The following CAMK1D variants were observed in gnomAD, a reference collection of about 807,000 sequenced individuals.
The protein encoded by CAMK1D is calcium/calmodulin-dependent protein kinase type 1D.
A neutral mutation model predicts 47.7 loss-of-function variants in CAMK1D; 9 were observed. That is an observed-to-expected ratio of 0.19 (90% CI 0.11 to 0.33). The LOEUF is 0.33. Ranked by LOEUF, CAMK1D falls within the 10% of genes least tolerant of loss-of-function variation. The pLI, the probability that CAMK1D is intolerant of heterozygous loss-of-function variation, is 1.00. For missense variants in CAMK1D, 291 were observed against 488.7 expected, an observed-to-expected ratio of 0.60 and a Z score of 3.81; for synonymous variants, 184 against 184.9, an observed-to-expected ratio of 0.99 and a Z score of 0.04.
chr10:12,421,327 G>A (rs2131966970), intron 1 of CAMK1D, among the ~76,000 whole-genome samples: 1 of 152,176 alleles, frequency 6.6e-6, no homozygotes, highest in Middle Eastern at 3.4e-3. Context: ...GTCACAGTGT[G>A]TGTGGGCAGG....
intron 1 of CAMK1D, among the ~76,000 whole-genome samples, chr10:12,437,495 C>A (rs1260792259): frequency 2.0e-5 from 3 of 152,092 alleles, no homozygotes; most frequent in Non-Finnish European, 4.4e-5. Flanking sequence ...GCGCCCAGCC[C>A]AGACTTTAGT....
intron 1 of CAMK1D, among the ~76,000 whole-genome samples, chr10:12,523,702 C>T (rs1192275487): frequency 1.3e-5 from 2 of 152,100 alleles, no homozygotes; most frequent in Admixed American, 6.5e-5. Context: ...GCAGTACAGT[C>T]CAGCTTTGGC....
intron 1 of CAMK1D, among the ~76,000 whole-genome samples, chr10:12,402,483 C>T (rs1035060132): frequency 1.3e-5 from 2 of 152,202 alleles, no homozygotes; most frequent in African/African-American, 4.8e-5. Flanking sequence ...CCGCCTGCCT[C>T]GGCCTCCCAA....
At chr10:12,698,260 G>A (rs920245550) in intron 3 of CAMK1D, among the ~76,000 whole-genome samples, 32 of 152,280 alleles carry the variant, frequency 2.1e-4, no homozygotes, top group African/African-American at 7.7e-4. Context: ...CTCATCCTCA[G>A]GAATGTTTAA....
At chr10:12,486,049 G>C (rs887504481) in intron 1 of CAMK1D, among the ~76,000 whole-genome samples, 5 of 152,116 alleles carry the variant, frequency 3.3e-5, no homozygotes, top group Non-Finnish European at 7.4e-5. Flanking sequence ...TACGCTACAG[G>C]TCTTGGGATT....
chr10:12,352,760 G>A (rs1390732311), intron 1 of CAMK1D, among the ~76,000 whole-genome samples: 1 of 136,700 alleles, frequency 7.3e-6, no homozygotes, highest in Non-Finnish European at 1.6e-5. Context: ...TTTTTGAGAC[G>A]GAGTCTCACT....
At chr10:12,545,947 C>A (rs913529706) in intron 1 of CAMK1D, among the ~76,000 whole-genome samples, 1 of 152,074 alleles carries the variant, frequency 6.6e-6, no homozygotes, top group Non-Finnish European at 1.5e-5. Flanking sequence ...AGCTGTTCAG[C>A]GGTGTGGTTG....
intron 2 of CAMK1D, among the ~76,000 whole-genome samples, chr10:12,604,188 T>A (rs1031281214): frequency 6.6e-6 from 1 of 152,190 alleles, no homozygotes; most frequent in Non-Finnish European, 1.5e-5. Context: ...TGTATCTCTG[T>A]AATTCTTAGC....
chr10:12,460,776 A>T (rs1833399597), intron 1 of CAMK1D, among the ~76,000 whole-genome samples: 1 of 151,976 alleles, frequency 6.6e-6, no homozygotes, highest in African/African-American at 2.4e-5. Flanking sequence ...TATGTTGCCC[A>T]GGCTCGTCTT....
intron 3 of CAMK1D, among the ~76,000 whole-genome samples, chr10:12,701,204 C>T (rs535046542): frequency 1.6e-4 from 25 of 152,030 alleles, no homozygotes; most frequent in African/African-American, 5.3e-4. Context: ...CCTCCGCCTC[C>T]GGGGTTCAAG....
chr10:12,755,540 T>C (rs1381674760), intron 3 of CAMK1D, among the ~76,000 whole-genome samples: 1 of 152,194 alleles, frequency 6.6e-6, no homozygotes, highest in Non-Finnish European at 1.5e-5. Context: ...CTGGGTTAAA[T>C]GGTATTTCTA....
chr10:12,671,500 G>A (rs1245520815), intron 3 of CAMK1D, among the ~76,000 whole-genome samples: 1 of 151,692 alleles, frequency 6.6e-6, no homozygotes, highest in African/African-American at 2.4e-5. Context: ...CCATCCTGTG[G>A]GTGTGAAGTG....
chr10:12,773,525 A>G (rs1837136982), intron 5 of CAMK1D, among the ~76,000 whole-genome samples: 1 of 152,204 alleles, frequency 6.6e-6, no homozygotes, highest in South Asian at 2.1e-4. Flanking sequence ...GTTTTTTCAA[A>G]TATTTTTGAT....
chr10:12,468,131 C>T (rs1234114035), intron 1 of CAMK1D, among the ~76,000 whole-genome samples: 1 of 152,200 alleles, frequency 6.6e-6, no homozygotes, highest in Non-Finnish European at 1.5e-5. Context: ...TCATGGCGCA[C>T]TGCAGCCTTG....
In CAMK1D at chr10:12,410,415, A is replaced by T. The variant is rs574884082; in HGVS notation, c.92+60505A>T. The stretch of plus-strand genomic sequence containing the variant: ...GGGTGAAACTGCAGGGCCTTAGAAC[A>T]GTTCGCCCCCTACCTCCTGAAGGTG... On this transcript the variant is annotated intron_variant, in intron 1 of 10. Coordinates refer to ENST00000619168, the MANE Select transcript of CAMK1D (RefSeq NM_153498.4). Among the ~76,000 whole-genome samples the T allele has an allele frequency of 9.9e-5, 15 of 152,284 alleles. No homozygotes were observed. In the East Asian group the frequency reaches 2.9e-3, roughly 29 times the overall value.
At chr10:12,465,393 C>T (rs1230815447) in intron 1 of CAMK1D, among the ~76,000 whole-genome samples, 1 of 152,192 alleles carries the variant, frequency 6.6e-6, no homozygotes, top group Non-Finnish European at 1.5e-5. Flanking sequence ...CTCACTCTTT[C>T]ACCCAGGCTG....
intron 3 of CAMK1D, among the ~76,000 whole-genome samples, chr10:12,699,983 A>C (rs1833447336): frequency 6.6e-6 from 1 of 150,774 alleles, no homozygotes; most frequent in Non-Finnish European, 1.5e-5. Flanking sequence ...AAGCTAGTAC[A>C]CATTTATTTT....
Position 12,831,725 on chromosome 10 carries a change from G to C in CAMK1D, c.*2838G>C, listed in dbSNP as rs1833422186. 1 of 152,234 alleles carries C rather than the reference G, an allele frequency of 6.6e-6. No homozygotes were observed. The highest frequency in any genetic ancestry group is 1.5e-5 in the Non-Finnish European group (1 of 68,052). 9.4% of individuals were successfully genotyped at this position (152,234 alleles called of 1,614,324 possible). A position where few individuals can be genotyped will look rare whatever the true frequency, so the allele number is the denominator to read the frequency against. On this transcript the variant is annotated 3_prime_UTR_variant, in exon 11 of 11. Coordinates refer to ENST00000619168, the MANE Select transcript of CAMK1D (RefSeq NM_153498.4). ...AGTCAACTGTTGAGCATGACATCAGGAAGCCTGTACTGTCCTGATCCCACC... is the reference window on the plus strand; with the variant it reads ...AGTCAACTGTTGAGCATGACATCAGCAAGCCTGTACTGTCCTGATCCCACC...
intron 1 of CAMK1D, among the ~76,000 whole-genome samples, chr10:12,378,736 T>TACTGGACACTTGCAAGGA (rs1405296498): frequency 6.6e-6 from 1 of 152,044 alleles, no homozygotes; most frequent in Non-Finnish European, 1.5e-5. Context: ...CACTAGAGTT[T>TACTGGACACTTGCAAGGA]ACTGGACACT....
Sources: gnomAD v4.1 joint callset for allele counts (sites outside exome capture counted in the v4.1 genomes callset) on GRCh38, gnomAD v4.1.1 for gene constraint, MANE v1.5 for transcripts, NCBI Gene and HGNC (gene_info 2026-07-23, HGNC 2026-07-21) for gene names.